ESR2: variants seen among roughly 807,000 people sequenced by gnomAD.
The protein encoded by ESR2 is estrogen receptor 2, also known as estrogen receptor beta.
In ESR2, 36 loss-of-function variants were observed where a neutral mutation model predicts 49.6. That is an observed-to-expected ratio of 0.73 (90% CI 0.56 to 0.96). The LOEUF is 0.96. Among genes scored for constraint, ESR2 ranks in the 40% least tolerant of loss-of-function variants. The pLI, the probability that ESR2 is intolerant of heterozygous loss-of-function variation, is 0.00. For missense variants in ESR2, 714 were observed against 693.0 expected (o/e 1.03, Z -0.34); for synonymous variants, 320 against 266.1 (o/e 1.20, Z -1.97).
intron 3 of ESR2, among the ~76,000 whole-genome samples, chr14:64,272,517 T>A (rs766520467): frequency 9.2e-5 from 14 of 152,220 alleles, no homozygotes; most frequent in Non-Finnish European, 2.1e-4. Context: ...TTTTAGTAGT[T>A]TCATAGTTTG....
intron 3 of ESR2, among the ~76,000 whole-genome samples, chr14:64,277,734 G>A (rs552994396): frequency 5.0e-4 from 76 of 151,568 alleles, no homozygotes; most frequent in African/African-American, 1.7e-3. Context: ...TTCAGTTACT[G>A]TAATGCACTT....
At chr14:64,318,600 T>A (rs2077288290) in intron 1 of ESR2, among the ~76,000 whole-genome samples, 1 of 127,920 alleles carries the variant, frequency 7.8e-6, no homozygotes. Context: ...AATACTTAGG[T>A]ATAAATCTAA....
intron 4 of ESR2, among the ~76,000 whole-genome samples, chr14:64,266,228 T>C (rs1249840658): frequency 6.6e-6 from 1 of 152,150 alleles, no homozygotes; most frequent in East Asian, 1.9e-4. Flanking sequence ...GGAGAGAGAA[T>C]GGAAGGAAAA....
intron 7 of ESR2, among the ~76,000 whole-genome samples, chr14:64,246,421 C>A (rs1215646875): frequency 1.3e-5 from 2 of 152,054 alleles, no homozygotes; most frequent in Non-Finnish European, 2.9e-5. Flanking sequence ...TTCCTCTTCA[C>A]TTTCCGCCAT....
At chr14:64,245,950 C>A (rs1437283058) in intron 7 of ESR2, among the ~76,000 whole-genome samples, 1 of 152,180 alleles carries the variant, frequency 6.6e-6, no homozygotes, top group African/African-American at 2.4e-5. Context: ...GCAGATCCTC[C>A]CTTTGACAGA....
chr14:64,279,564 A>G (rs1436390114), intron 3 of ESR2, among the ~76,000 whole-genome samples: 2 of 152,198 alleles, frequency 1.3e-5, no homozygotes, highest in South Asian at 2.1e-4. Flanking sequence ...ATTTCCAAAA[A>G]ATGTGTTTAT....
intron 1 of ESR2, among the ~76,000 whole-genome samples, chr14:64,327,578 C>T (rs1345994731): frequency 2.0e-5 from 3 of 152,094 alleles, no homozygotes; most frequent in African/African-American, 7.2e-5. Flanking sequence ...CTCCTGTAAT[C>T]CCAGCTACTC....
chr14:64,242,451 AATAT>A (rs1264924992), intron 7 of ESR2, among the ~76,000 whole-genome samples: 35 of 126,700 alleles, frequency 2.8e-4, no homozygotes, highest in African/African-American at 8.5e-4. Flanking sequence ...AAACAAAAAA[AATAT>A]ATATATATAT....
chr14:64,248,536 A>G (rs1460384403), intron 7 of ESR2, among the ~76,000 whole-genome samples: 1 of 151,310 alleles, frequency 6.6e-6, no homozygotes, highest in East Asian at 1.9e-4. Context: ...AAAAAAAAAG[A>G]AAGAAAGGAA....
intron 3 of ESR2, among the ~76,000 whole-genome samples, chr14:64,270,148 G>A (rs577192928): frequency 6.6e-5 from 10 of 152,182 alleles, no homozygotes; most frequent in Admixed American, 2.0e-4. Context: ...ATTTCAGTGC[G>A]GAGAATAAAT....
At position 64,268,952 on chromosome 14, in the gene ESR2, T is replaced by C. The variant is rs1423410851; in HGVS notation, c.536-41A>G. On this transcript the variant is annotated intron_variant, in intron 3 of 8. Coordinates refer to ENST00000341099, the MANE Select transcript of ESR2 (RefSeq NM_001437.3). The stretch of plus-strand genomic sequence containing the variant: ...AGGGAAAAAAAGATTATTGCTATGA[T>C]CTCTTAGTTAAATCTCTTCCTGGTC... The C allele has an allele frequency of 4.4e-6, 5 of 1,127,748 alleles. No homozygotes were observed. In the African/African-American group the frequency reaches 4.6e-5, roughly 10 times the overall value. 69.9% of individuals were successfully genotyped at this position (1,127,748 alleles called of 1,614,324 possible).
intron 7 of ESR2, among the ~76,000 whole-genome samples, chr14:64,238,755 TAA>T (rs34179608): frequency 7.0e-6 from 1 of 142,606 alleles, no homozygotes; most frequent in Non-Finnish European, 1.6e-5. Flanking sequence ...AAGTATAGTT[TAA>T]AAAAAAAAAA....
chr14:64,323,883 G>C lies in ESR2; in HGVS notation c.-91+14015C>G, dbSNP rs184438588. Among the ~76,000 whole-genome samples the C allele has an allele frequency of 3.3e-3, 501 of 151,726 alleles. 12 individuals are homozygous for C. The highest frequency in any genetic ancestry group is 1.3e-3 in the Non-Finnish European group (85 of 67,880). On this transcript the variant is annotated intron_variant, in intron 1 of 8. Coordinates refer to the ESR2 transcript ENST00000358599. ...ATTTTTGTGTTTTTAGTAGAGACAG[G>C]GTTTCTCCATGTTGGCCAGGCTGGT... is the stretch of plus-strand genomic sequence containing the variant.
At position 64,243,774 on chromosome 14, in the gene ESR2, G is replaced by A. The variant is rs562187474; in HGVS notation, c.1225+5772C>T. On this transcript the variant is annotated intron_variant, in intron 7 of 8. Transcript: ENST00000341099. ...TTCCTGGCCCTGTGTGAACTCTAGG[G>A]ATTGTTTCGCCCGCTCCTTTCTGAT... Among the ~76,000 whole-genome samples the A allele has an allele frequency of 2.6e-5, 4 of 152,278 alleles. 1 individual carries two copies. In the South Asian group the frequency reaches 6.2e-4, roughly 24 times the overall value.
chr14:64,249,399 C>A, intron 7 of ESR2, 147 bp downstream of exon 7: 1 of 844,810 alleles, frequency 1.2e-6, no homozygotes, highest in Non-Finnish European at 1.8e-6. Flanking sequence ...CAGTTTAAAT[C>A]GCTATCAAAA....
In ESR2 at chr14:64,279,960, C is replaced by A. The variant is rs75017938; in HGVS notation, c.535+21G>T. On this transcript the variant is annotated intron_variant, in intron 3 of 8. Coordinates refer to ENST00000341099, the MANE Select transcript of ESR2 (RefSeq NM_001437.3). ...AATCAAAAGTAGGAAACTAAAGAAGCAGTTAACAATTCTCTTGTACCTTGA... is the reference window on the plus strand; with the variant it reads ...AATCAAAAGTAGGAAACTAAAGAAGAAGTTAACAATTCTCTTGTACCTTGA... The A allele has an allele frequency of 3.8e-6, 6 of 1,594,076 alleles. No individual in the cohort carries two copies. In the East Asian group the frequency reaches 1.1e-4, roughly 30 times the overall value.
chr14:64,278,254 ATGAG>A (rs1473496412), intron 3 of ESR2, among the ~76,000 whole-genome samples: 1 of 152,186 alleles, frequency 6.6e-6, no homozygotes, highest in East Asian at 1.9e-4. Flanking sequence ...GAAAATCCCT[ATGAG>A]TATCTCCATT....
chr14:64,240,704 C>A (rs1013663620), intron 7 of ESR2, among the ~76,000 whole-genome samples: 2 of 152,126 alleles, frequency 1.3e-5, no homozygotes, highest in Non-Finnish European at 2.9e-5. Flanking sequence ...ACACATACAA[C>A]CATTGTGTTT....
chr14:64,305,257 C>G (rs1184402075), intron 1 of ESR2, among the ~76,000 whole-genome samples: 1 of 145,768 alleles, frequency 6.9e-6, no homozygotes, highest in Non-Finnish European at 1.5e-5. Context: ...TGCCACTGCA[C>G]TCCAGCCTGG....
Sources: allele counts gnomAD v4.1 joint callset (sites outside exome capture counted in the v4.1 genomes callset), GRCh38; gene constraint gnomAD v4.1.1; transcripts MANE v1.5; gene names NCBI Gene and HGNC (gene_info 2026-07-23, HGNC 2026-07-21).